The following OAS3 variants were observed in gnomAD, a reference collection of about 807,000 sequenced individuals.
The protein encoded by OAS3 is 2'-5'-oligoadenylate synthase 3.
Under a neutral mutation model 113.0 loss-of-function variants are expected in OAS3, and 107 were observed. That is an observed-to-expected ratio of 0.95 (90% CI 0.81 to 1.11). The LOEUF is 1.11. Ranked by LOEUF, OAS3 falls within the 50% of genes most tolerant of loss-of-function variation. The probability of loss-of-function intolerance (pLI) is 0.00; values close to 1 mark genes in which losing one functional copy is unlikely to be tolerated. For missense variants in OAS3, 1,258 were observed against 1,389.1 expected (o/e 0.91, Z 1.50); for synonymous variants, 552 against 573.6 (o/e 0.96, Z 0.54).
At chr12:112,940,417 T>A (rs1033400166) in intron 1 of OAS3, among the ~76,000 whole-genome samples, 8 of 152,200 alleles carry the variant, frequency 5.3e-5, no homozygotes, top group South Asian at 4.1e-4. Flanking sequence ...ACTCCCCATA[T>A]CTGCAGCCAC....
In OAS3 at chr12:112,941,661, A is replaced by G. The variant is rs564131594; in HGVS notation, c.269A>G (p.Gln90Arg). 2.1e-5 allele frequency: 34 copies of G among 1,614,068 alleles called. No individual in the cohort carries two copies. In the East Asian group the frequency reaches 6.9e-4, roughly 33 times the overall value. The change falls in exon 2 of 16, where the codon CAG becomes CGG. Residue 90 changes from glutamine (Q) to arginine (R), a missense_variant. By Grantham distance (43) the Gln-to-Arg change is conservative. Coordinates refer to ENST00000228928, the MANE Select transcript of OAS3 (RefSeq NM_006187.4). Reference protein sequence around the residue: ...FLDCFKSYVDQRARRAEILSE... With the variant: ...FLDCFKSYVDRRARRAEILSE... ...GACTGCTTCAAGAGCTATGTGGACC[A>G]GAGGGCCCGCCGTGCAGAGATCCTC... is the stretch of plus-strand genomic sequence containing the variant.
chr12:112,943,061 G>A lies in OAS3; in HGVS notation c.460+1209G>A, dbSNP rs535140023. Among the ~76,000 whole-genome samples, 44 of 151,766 alleles carry A rather than the reference G, an allele frequency of 2.9e-4. 1 individual carries two copies. The highest frequency in any genetic ancestry group is 3.5e-3 in the Middle Eastern group (1 of 288). Reference sequence around the variant, plus strand: ...AGCAATCCTCCCACCTCAGCCTCCCGAGTAGCTGGGCTACAGGCATGCACC... The same window carrying A: ...AGCAATCCTCCCACCTCAGCCTCCCAAGTAGCTGGGCTACAGGCATGCACC... On this transcript the variant is annotated intron_variant, in intron 2 of 15. Transcript: ENST00000228928.
chr12:112,955,410 G>A (rs1013682018), intron 7 of OAS3, among the ~76,000 whole-genome samples: 2 of 152,196 alleles, frequency 1.3e-5, no homozygotes, highest in South Asian at 2.1e-4. Context: ...AGTTTCCAAA[G>A]GGAATGCTTC....
chr12:112,941,393 T>C (rs2043678181), intron 1 of OAS3, among the ~76,000 whole-genome samples, 177 bp from the exon 2 acceptor site: 1 of 152,072 alleles, frequency 6.6e-6, no homozygotes, highest in African/African-American at 2.4e-5. Flanking sequence ...TAAAATTGCT[T>C]CTCTTGAAAT....
chr12:112,941,709 A>C lies in OAS3; in HGVS notation c.317A>C (p.Glu106Ala). The change falls in exon 2 of 16, where the codon GAA (glutamate) becomes GCA (alanine). Residue 106 changes from glutamate (E) to alanine (A), a missense_variant. Glu to Ala is a moderately radical substitution (Grantham distance 107). Coordinates refer to ENST00000228928, the MANE Select transcript of OAS3 (RefSeq NM_006187.4). ...EILSEMRASL[E>A]SWWQNPVPGL... is the part of the protein sequence containing the mutation. ...CTCAGTGAGATGCGGGCATCGCTGG[A>C]ATCCTGGTGGCAGAACCCAGTCCCT... 4 of 1,614,012 alleles carry C rather than the reference A, an allele frequency of 2.5e-6. No homozygotes were observed. In the Middle Eastern group the frequency reaches 4.9e-4, roughly 200 times the overall value.
chr12:112,945,754 T>C (rs2043722571), intron 3 of OAS3, among the ~76,000 whole-genome samples: 1 of 152,220 alleles, frequency 6.6e-6, no homozygotes, highest in Non-Finnish European at 1.5e-5. Flanking sequence ...AAGAAATATA[T>C]GCATCGGCAA....
At chr12:112,968,914 G>A (rs1207691510) in intron 14 of OAS3, among the ~76,000 whole-genome samples, 4 of 152,178 alleles carry the variant, frequency 2.6e-5, no homozygotes, top group African/African-American at 9.7e-5. Flanking sequence ...CTCTGAAATG[G>A]GTACAGAGAT....
chr12:112,938,659 CG>C lies in OAS3; in HGVS notation c.134del (p.Gly45AlafsTer11), dbSNP rs1383408101. 6 of 1,593,154 alleles carry C rather than the reference CG, an allele frequency of 3.8e-6. No homozygotes were observed. The African/African-American group carries it at 4.0e-5, about 11-fold the overall frequency. ...CCCTGGCCGCTGCCCTGAGGGAGCG[CG>C]GGGGCCGCCTCGGTGCTGCTGCCCC... ...GALAAALRERGGRLGAAAPRV... is the reference protein window; with the variant it reads ...GALAAALRERXGRLGAAAPRV... On this transcript the variant is annotated frameshift_variant, in exon 1 of 16. Coordinates refer to ENST00000228928, the MANE Select transcript of OAS3 (RefSeq NM_006187.4). LOFTEE classifies it high-confidence loss of function.
At position 112,965,741 on chromosome 12, in the gene OAS3, C is replaced by T. The variant is rs762766292; in HGVS notation, c.2404-3C>T. The T allele has an allele frequency of 2.5e-6, 4 of 1,606,872 alleles. No individual in the cohort carries two copies. Among genetic ancestry groups the T allele is most frequent in the Non-Finnish European group, 3.4e-6 (4 of 1,178,296 alleles). On this transcript the variant is annotated splice_region_variant and splice_polypyrimidine_tract_variant and intron_variant, in intron 11 of 15. Coordinates refer to ENST00000228928, the MANE Select transcript of OAS3 (RefSeq NM_006187.4). Reference sequence around the variant, plus strand: ...GTTGAGCCACCTGCCATGTCCTCTCCAGGGTGGCTCTTCAGCCAAAGGCAC... The same window carrying T: ...GTTGAGCCACCTGCCATGTCCTCTCTAGGGTGGCTCTTCAGCCAAAGGCAC...
chr12:112,968,299 T>C (rs1028962563), intron 14 of OAS3, 125 bp downstream of exon 14: 173 of 1,291,342 alleles, frequency 1.3e-4, no homozygotes, highest in Admixed American at 3.0e-4. Context: ...CTAGAAGTTA[T>C]ATTTGTAGTA....
chr12:112,941,984 G>C (rs2043685454), intron 2 of OAS3, 132 bp downstream of exon 2: 1 of 1,097,934 alleles, frequency 9.1e-7, no homozygotes, highest in African/African-American at 1.5e-5. Context: ...CTCAGCCTCA[G>C]TCTGGGGACT....
rs755472368 is a variant in OAS3 at position 112,961,033 on chromosome 12, T to C, written c.1658-38T>C. 1.0e-5 allele frequency: 16 copies of C among 1,603,354 alleles called. No homozygotes were observed. The Admixed American group carries it at 1.7e-4, about 17-fold the overall frequency. On this transcript the variant is annotated intron_variant, in intron 7 of 15. Transcript: ENST00000228928. Reference sequence around the variant, plus strand: ...GGTTGGTAAATGCTGCTGTCTTCAATTGGAGTTGCACACTCAGGGTGTTTC... The same window carrying C: ...GGTTGGTAAATGCTGCTGTCTTCAACTGGAGTTGCACACTCAGGGTGTTTC...
chr12:112,964,559 G>T (rs1017782667), intron 11 of OAS3, among the ~76,000 whole-genome samples, 151 bp downstream of exon 11: 2 of 152,056 alleles, frequency 1.3e-5, no homozygotes, highest in African/African-American at 4.8e-5. Flanking sequence ...TGGGAGGATG[G>T]CAGAGAGAGG....
rs755215305 is a variant in OAS3, at chr12:112,949,108, C to T, written c.1277C>T (p.Pro426Leu). The T allele has an allele frequency of 2.9e-5, 47 of 1,613,832 alleles. No homozygotes were observed. Among genetic ancestry groups the T allele is most frequent in the Middle Eastern group, 1.6e-4 (1 of 6,084 alleles). ...CGCTTCATCCAGGACCACCTGAAGC[C>T]GAGCCCCCAGTTCCAGGAGCAGGTG... ...LDRFIQDHLK[P>L]SPQFQEQVKK... The change falls in exon 6 of 16, where the codon CCG becomes CTG. Residue 426 changes from proline (P) to leucine (L), a missense_variant. Pro to Leu is a moderately conservative substitution (Grantham distance 98). Coordinates refer to ENST00000228928, the MANE Select transcript of OAS3 (RefSeq NM_006187.4).
Position 112,964,394 on chromosome 12 carries a change from A to ATCAAGGTGG in OAS3, c.2398_2403+3dup, listed in dbSNP as rs778789015. The ATCAAGGTGG allele has an allele frequency of 6.2e-7, 1 of 1,611,948 alleles. No homozygotes were observed. The highest frequency in any genetic ancestry group is 8.5e-7 in the Non-Finnish European group (1 of 1,179,126). ...CTTCCGGAATTCTCCCATCAAAGTGATCAAGGTGGTCAAGGTGAGTCCTCA... is the reference window on the plus strand; with the variant it reads ...CTTCCGGAATTCTCCCATCAAAGTGATCAAGGTGGTCAAGGTGGTCAAGGTGAGTCCTCA... On this transcript the variant is annotated inframe_insertion, in exon 11 of 16. Transcript: ENST00000228928.
chr12:112,972,798 A>AT lies in OAS3; in HGVS notation c.*2828dup, dbSNP rs1357559154. ...CTCCTTGGTGGTAAAAGAGGGTTGC[A>AT]TTTCTTGCAGCCAGAAGGCAGAGAA... On this transcript the variant is annotated 3_prime_UTR_variant, in exon 16 of 16. Transcript: ENST00000228928. The AT allele has an allele frequency of 6.6e-5, 10 of 152,128 alleles. No individual in the cohort carries two copies. Among genetic ancestry groups the AT allele is most frequent in the Non-Finnish European group, 1.2e-4 (8 of 68,020 alleles). 9.4% of individuals were successfully genotyped at this position (152,128 alleles called of 1,614,324 possible). A position where few individuals can be genotyped will look rare whatever the true frequency, so the allele number is the denominator to read the frequency against.
Position 112,950,852 on chromosome 12 carries a change from G to T in OAS3, c.1534G>T (p.Val512Leu). The part of the protein sequence containing the change: ...AQLESWWQDQ[V>L]PSLSLQFPEQ... ...GCTAGAATCCTGGTGGCAGGACCAG[G>T]TGCCCAGCCTGAGCCTTCAGTTTCC... Residue 512 changes from valine (V) to leucine (L), a missense_variant, in exon 7 of 16, where the codon GTG (valine) becomes TTG (leucine). By Grantham distance (32) the Val-to-Leu change is conservative (BLOSUM62 1). Transcript: ENST00000228928. 1 of 1,614,038 alleles carries T rather than the reference G, an allele frequency of 6.2e-7. No individual in the cohort carries two copies. The highest frequency in any genetic ancestry group is 8.5e-7 in the Non-Finnish European group (1 of 1,179,892).
chr12:112,946,156 AGGGGG>A (rs2043726619), intron 3 of OAS3, among the ~76,000 whole-genome samples: 1 of 152,076 alleles, frequency 6.6e-6, no homozygotes, highest in Admixed American at 6.5e-5. Context: ...GCTTCTAGCC[AGGGGG>A]GTCACTTTCT....
At chr12:112,941,330 G>A (rs1227055978) in intron 1 of OAS3, among the ~76,000 whole-genome samples, 2 of 152,150 alleles carry the variant, frequency 1.3e-5, no homozygotes, top group Non-Finnish European at 2.9e-5. Context: ...TTCCAGCCTG[G>A]GTGACAGAAC....
Sources: gnomAD v4.1 joint callset for allele counts (sites outside exome capture counted in the v4.1 genomes callset) on GRCh38, gnomAD v4.1.1 for gene constraint, MANE v1.5 for transcripts, NCBI Gene and HGNC (gene_info 2026-07-23, HGNC 2026-07-21) for gene names.